The following DERA variants were observed in gnomAD, a reference collection of about 807,000 sequenced individuals.
DERA encodes deoxyribose-phosphate aldolase.
In DERA, 15 loss-of-function variants were observed where a neutral mutation model predicts 41.1. That is an observed-to-expected ratio of 0.37 (90% CI 0.24 to 0.56). The LOEUF is 0.56. Ranked by LOEUF, DERA falls within the 20% of genes least tolerant of loss-of-function variation. The pLI is 0.81. For missense variants in DERA, 396 were observed against 403.4 expected (o/e 0.98, Z 0.16); for synonymous variants, 139 against 137.4 (o/e 1.01, Z -0.08).
intron 1 of DERA, among the ~76,000 whole-genome samples, chr12:15,917,378 T>C (rs536488200): frequency 6.6e-6 from 1 of 152,322 alleles, no homozygotes; most frequent in Admixed American, 6.5e-5. Context: ...TAAAATTGAT[T>C]TGTGTAATTT....
chr12:15,968,086 C>CTTTTTT (rs368286741), intron 5 of DERA, among the ~76,000 whole-genome samples: 118 of 141,888 alleles, frequency 8.3e-4, no homozygotes, highest in African/African-American at 2.9e-3. Flanking sequence ...TCTTCTTCTT[C>CTTTTTT]TTTTTTTTTT....
chr12:15,968,967 C>A (rs913391749), intron 5 of DERA, among the ~76,000 whole-genome samples: 3 of 152,202 alleles, frequency 2.0e-5, no homozygotes, highest in Non-Finnish European at 2.9e-5. Context: ...TCTCTGCTTC[C>A]ATGTAAATGT....
chr12:16,007,731 GTCT>G (rs1948921803), intron 6 of DERA, among the ~76,000 whole-genome samples: 2 of 152,154 alleles, frequency 1.3e-5, no homozygotes, highest in Non-Finnish European at 2.9e-5. Context: ...CAGGCCCAGT[GTCT>G]TCTTCAGTTA....
intron 1 of DERA, among the ~76,000 whole-genome samples, chr12:15,920,562 T>A (rs910039293): frequency 6.6e-6 from 1 of 152,122 alleles, no homozygotes; most frequent in East Asian, 1.9e-4. Context: ...AAGCTGGGCG[T>A]GGTGGCTCAT....
In DERA at chr12:15,931,785, T is replaced by C. The variant is rs1484501648; in HGVS notation, c.31+20371T>C. Among the ~76,000 whole-genome samples the C allele has an allele frequency of 2.0e-5, 3 of 152,136 alleles. No homozygotes were observed. In the East Asian group the frequency reaches 5.8e-4, roughly 29 times the overall value. ...CTGGGGAGGGAGTGGGTGAGTGAGT[T>C]CTTGCTCTCTTGGGAATAGATTAAT... On this transcript the variant is annotated intron_variant, in intron 1 of 8. Coordinates refer to ENST00000428559, the MANE Select transcript of DERA (RefSeq NM_015954.4). This position sits in a 1 kb window ranked among gnomAD's most constrained non-coding sequence, Gnocchi z 4.6.
At position 16,012,063 on chromosome 12, in the gene DERA, T is replaced by C. The variant is rs554675279; in HGVS notation, c.638-20479T>C. ...AGTGTTTCCTCAAAAGGGGCAGAGT[T>C]TGGTAAAGAAAAGCCTTGTCTTGTA... On this transcript the variant is annotated intron_variant, in intron 6 of 8. Coordinates refer to ENST00000428559, the MANE Select transcript of DERA (RefSeq NM_015954.4). This position sits in a 1 kb window ranked among gnomAD's most constrained non-coding sequence, Gnocchi z 4.1. Among the ~76,000 whole-genome samples, 35 of 152,322 alleles carry C rather than the reference T, an allele frequency of 2.3e-4. No homozygotes were observed. The highest frequency in any genetic ancestry group is 8.2e-4 in the African/African-American group (34 of 41,588).
Position 15,982,482 on chromosome 12 carries a change from T to A in DERA, c.637+46T>A. On this transcript the variant is annotated intron_variant, in intron 6 of 8. Coordinates refer to ENST00000428559, the MANE Select transcript of DERA (RefSeq NM_015954.4). This position sits in a 1 kb window ranked among gnomAD's most constrained non-coding sequence, Gnocchi z 4.0. ...TAATGTTTTCTATTGAATTGATGTTTTTAGGAGAAATTAAGTAAGTGAAAG... is the reference window on the plus strand; with the variant it reads ...TAATGTTTTCTATTGAATTGATGTTATTAGGAGAAATTAAGTAAGTGAAAG... 1 of 1,531,476 alleles carries A rather than the reference T, an allele frequency of 6.5e-7. No individual in the cohort carries two copies. The highest frequency in any genetic ancestry group is 1.3e-5 in the South Asian group (1 of 76,476). The allele number at this position is 1,531,476 out of a possible 1,614,324, so 94.9% of individuals were successfully genotyped here.
Position 15,958,255 on chromosome 12 carries a change from C to T in DERA, c.197C>T (p.Ser66Phe), listed in dbSNP as rs1452491596. 3.8e-6 allele frequency: 6 copies of T among 1,596,270 alleles called. No individual in the cohort carries two copies. Among genetic ancestry groups the T allele is most frequent in the African/African-American group, 1.3e-5 (1 of 74,854 alleles). Residue 66 changes from serine to phenylalanine, a missense_variant, in exon 3 of 9, where the codon TCC becomes TTC. Physicochemically the swap from Ser to Phe is radical, Grantham distance 155 (BLOSUM62 -2). Coordinates refer to ENST00000428559, the MANE Select transcript of DERA (RefSeq NM_015954.4). The part of the protein sequence containing the change: ...LTTLSGDDTS[S>F]NIQRLCYKAK... The stretch of plus-strand genomic sequence containing the variant: ...ACACTTTCAGGTGATGATACATCTT[C>T]CAACATTCAAAGGCTCTGTTATAAA...
rs117468799 is a variant in DERA at position 15,920,639 on chromosome 12, C to A, written c.31+9225C>A. On this transcript the variant is annotated intron_variant, in intron 1 of 8. Coordinates refer to ENST00000428559, the MANE Select transcript of DERA (RefSeq NM_015954.4). ...CATGAGATGAAGAGATTGAGACCAT[C>A]CTGGCCAACATGGTGAAAGCGCGTC... is the stretch of plus-strand genomic sequence containing the variant. Among the ~76,000 whole-genome samples the A allele has an allele frequency of 1.7e-3, 261 of 152,208 alleles. 6 individuals are homozygous for A. In the East Asian group the frequency reaches 0.048, roughly 28 times the overall value.
chr12:15,968,772 C>G (rs1416778764), intron 5 of DERA, among the ~76,000 whole-genome samples: 1 of 152,144 alleles, frequency 6.6e-6, no homozygotes, highest in Admixed American at 6.5e-5. Context: ...CAGATGCAGC[C>G]CTCCTTGCCA....
Position 16,030,543 on chromosome 12 carries a change from CTT to C in DERA, c.638-1997_638-1996del, listed in dbSNP as rs530406733. Reference sequence around the variant, plus strand: ...ATATGCCTAGCTCAAGGCCTTTACACTTTGTTTTCCTGCTTGTAATGCTATAT... The same window carrying C: ...ATATGCCTAGCTCAAGGCCTTTACACTGTTTTCCTGCTTGTAATGCTATAT... On this transcript the variant is annotated intron_variant, in intron 6 of 8. Transcript: ENST00000428559. 9.2e-5 allele frequency among the ~76,000 whole-genome samples: 14 copies of C among 152,256 alleles called. No homozygotes were observed. In the South Asian group the frequency reaches 2.9e-3, roughly 32 times the overall value.
chr12:15,988,608 C>T lies in DERA; in HGVS notation c.637+6172C>T, dbSNP rs1948781311. ...CCATGGATGGGCCTGGAAAAAGCAC[C>T]ATCGGACTGCCTGAATGGTCATCAA... is the stretch of plus-strand genomic sequence containing the variant. On this transcript the variant is annotated intron_variant, in intron 6 of 8. Transcript: ENST00000428559. This position sits in a 1 kb window ranked among gnomAD's most constrained non-coding sequence, Gnocchi z 6.0. Among the ~76,000 whole-genome samples the T allele has an allele frequency of 6.6e-6, 1 of 152,150 alleles. No homozygotes were observed. The highest frequency in any genetic ancestry group is 2.1e-4 in the South Asian group (1 of 4,826).
intron 5 of DERA, among the ~76,000 whole-genome samples, chr12:15,979,292 A>C (rs1948717948): frequency 6.6e-6 from 1 of 152,230 alleles, no homozygotes; most frequent in Non-Finnish European, 1.5e-5. Flanking sequence ...GCCCAGGGCC[A>C]CTGCTGGTGC....
chr12:15,936,946 C>T lies in DERA; in HGVS notation c.32-19990C>T, dbSNP rs1265655085. Among the ~76,000 whole-genome samples, 4 of 142,016 alleles carry T rather than the reference C, an allele frequency of 2.8e-5. No homozygotes were observed. Among genetic ancestry groups the T allele is most frequent in the African/African-American group, 8.6e-5 (3 of 35,038 alleles). The allele number at this position is 142,016 out of a possible 152,430, so 93.2% of individuals were successfully genotyped here. A position where few individuals can be genotyped will look rare whatever the true frequency, so the allele number is the denominator to read the frequency against. On this transcript the variant is annotated intron_variant, in intron 1 of 8. Transcript: ENST00000428559. This position sits in a 1 kb window ranked among gnomAD's most constrained non-coding sequence, Gnocchi z 4.6. Reference sequence around the variant, plus strand: ...CTGTCCTGTCCTGTCTTGTCCTGTCCCGTCCTGTCCTGCCCTGCCCTGCCC... The same window carrying T: ...CTGTCCTGTCCTGTCTTGTCCTGTCTCGTCCTGTCCTGCCCTGCCCTGCCC...
intron 5 of DERA, among the ~76,000 whole-genome samples, chr12:15,973,946 A>G (rs1426454585): frequency 6.6e-6 from 1 of 152,204 alleles, no homozygotes; most frequent in Non-Finnish European, 1.5e-5. Context: ...ATAATTTTAA[A>G]CTTACAGAAA....
At chr12:16,031,382 G>A (rs1949091320) in intron 6 of DERA, among the ~76,000 whole-genome samples, 1 of 152,194 alleles carries the variant, frequency 6.6e-6, no homozygotes, top group South Asian at 2.1e-4. Context: ...CTTTGACTTC[G>A]TTAATGGACT....
intron 5 of DERA, among the ~76,000 whole-genome samples, chr12:15,978,326 T>C (rs973436404): frequency 2.6e-5 from 4 of 152,194 alleles, no homozygotes; most frequent in Non-Finnish European, 4.4e-5. Context: ...CAAATTCTAG[T>C]TGTGCTTTCA....
chr12:16,005,507 G>A (rs1948903442), intron 6 of DERA, among the ~76,000 whole-genome samples: 1 of 152,132 alleles, frequency 6.6e-6, no homozygotes, highest in African/African-American at 2.4e-5. Flanking sequence ...AAGCTTTTAT[G>A]TTTGGAACTA....
rs1047276028 is a variant in DERA, at chr12:15,940,639, C to A, written c.32-16297C>A. Among the ~76,000 whole-genome samples the A allele has an allele frequency of 6.6e-6, 1 of 152,182 alleles. No individual in the cohort carries two copies. Among genetic ancestry groups the A allele is most frequent in the Non-Finnish European group, 1.5e-5 (1 of 68,030 alleles). The stretch of plus-strand genomic sequence containing the variant: ...ATGCTGGGATTACAGGCGTGAGCCA[C>A]CGCATCCGGCCTGCTTTACTTCTTA... On this transcript the variant is annotated intron_variant, in intron 1 of 8. Coordinates refer to ENST00000428559, the MANE Select transcript of DERA (RefSeq NM_015954.4). The surrounding 1 kb of genome is among the most constrained non-coding windows in gnomAD (Gnocchi z 5.1).
Sources: gnomAD v4.1 joint callset for allele counts (sites outside exome capture counted in the v4.1 genomes callset) on GRCh38, gnomAD v4.1.1 for gene constraint, Gnocchi (gnomAD v3.1) non-coding constraint, MANE v1.5 for transcripts, NCBI Gene and HGNC (gene_info 2026-07-23, HGNC 2026-07-21) for gene names.